The following SDK1 variants were observed in gnomAD, a reference collection of about 807,000 sequenced individuals.
SDK1 encodes sidekick cell adhesion molecule 1.
SDK1 carries 157 observed loss-of-function variants against 245.5 expected under a neutral mutation model. The ratio of observed to expected loss-of-function variants is 0.64; its 90% CI spans 0.56 to 0.73. SDK1 has a LOEUF of 0.73. Ranked by LOEUF, SDK1 falls within the 30% of genes least tolerant of loss-of-function variation. SDK1 has a pLI of 0.00. For missense variants in SDK1, 3,583 were observed against 3,002.3 expected, an observed-to-expected ratio of 1.19 and a Z score of -4.52; for synonymous variants, 1,647 against 1,278.5, an observed-to-expected ratio of 1.29 and a Z score of -6.15.
At chr7:3,885,647 C>G (rs966982183) in intron 5 of SDK1, among the ~76,000 whole-genome samples, 1 of 152,054 alleles carries the variant, frequency 6.6e-6, no homozygotes, top group African/African-American at 2.4e-5. Context: ...AGTTGATAAA[C>G]GCTGTGGTAT....
At chr7:3,828,775 T>C (rs973258365) in intron 5 of SDK1, among the ~76,000 whole-genome samples, 3 of 151,800 alleles carry the variant, frequency 2.0e-5, no homozygotes, top group African/African-American at 7.3e-5. Context: ...CCTCAGCCTT[T>C]TGAGTAGCTG....
intron 1 of SDK1, among the ~76,000 whole-genome samples, chr7:3,572,388 G>C (rs531729976): frequency 6.6e-6 from 1 of 152,130 alleles, no homozygotes. Context: ...CTCAGAGCAA[G>C]AGTATGGAGA....
At chr7:3,494,347 A>T (rs1277216420) in intron 1 of SDK1, among the ~76,000 whole-genome samples, 9 of 152,212 alleles carry the variant, frequency 5.9e-5, no homozygotes, top group Non-Finnish European at 1.0e-4. Flanking sequence ...CCTGGAACAG[A>T]GTGAAGAAAT....
intron 35 of SDK1, among the ~76,000 whole-genome samples, chr7:4,193,993 G>T (rs1226039753): frequency 6.6e-6 from 1 of 152,112 alleles, no homozygotes; most frequent in Non-Finnish European, 1.5e-5. Context: ...AACAATTCAC[G>T]CCAAGGACTA....
chr7:4,035,347 G>A (rs1226330200), intron 17 of SDK1, among the ~76,000 whole-genome samples: 2 of 152,140 alleles, frequency 1.3e-5, no homozygotes, highest in African/African-American at 2.4e-5. Flanking sequence ...GCAAAATTAA[G>A]CAAAGGGACA....
intron 4 of SDK1, among the ~76,000 whole-genome samples, chr7:3,730,261 T>G (rs113809097): frequency 2.0e-4 from 31 of 152,294 alleles, no homozygotes; most frequent in African/African-American, 6.7e-4. Flanking sequence ...TTATTAAATT[T>G]CTGCAAATGA....
At position 3,757,170 on chromosome 7, in the gene SDK1, G is replaced by T. The variant is rs900267923; in HGVS notation, c.714-64280G>T. 3.9e-5 allele frequency among the ~76,000 whole-genome samples: 6 copies of T among 152,056 alleles called. No homozygotes were observed. In the East Asian group the frequency reaches 5.8e-4, roughly 15 times the overall value. Reference sequence around the variant, plus strand: ...AAACTACCCCCACTTCAGATCCCAGGTGTCCTCATATACATCTGACAGACT... The same window carrying T: ...AAACTACCCCCACTTCAGATCCCAGTTGTCCTCATATACATCTGACAGACT... On this transcript the variant is annotated intron_variant, in intron 4 of 44. Transcript: ENST00000404826.
chr7:4,017,152 G>C lies in SDK1; in HGVS notation c.2421-19G>C, dbSNP rs752320088. ...GTCCAGTTATTTCCTTATCGTGATG[G>C]GCTTCCTTCGTGGCGCAGGTACCGC... On this transcript the variant is annotated intron_variant, in intron 16 of 44. Transcript: ENST00000404826. The C allele has an allele frequency of 6.9e-6, 11 of 1,590,724 alleles. No homozygotes were observed. In the African/African-American group the frequency reaches 1.5e-4, roughly 21 times the overall value.
chr7:3,776,683 A>G (rs912037232), intron 4 of SDK1, among the ~76,000 whole-genome samples: 5 of 152,136 alleles, frequency 3.3e-5, no homozygotes, highest in Admixed American at 3.3e-4. Flanking sequence ...AACCACTAGG[A>G]AAAAGAAAAG....
In SDK1 at chr7:3,473,626, T is replaced by G. The variant is rs78683464; in HGVS notation, c.299-145454T>G. Among the ~76,000 whole-genome samples, 619 of 152,350 alleles carry G rather than the reference T, an allele frequency of 4.1e-3. 5 individuals carry two copies. The highest frequency in any genetic ancestry group is 0.014 in the African/African-American group (590 of 41,578). ...CTACTCCTTGCTTCCATGTGCTTTA[T>G]TCATGACTACCTTTTATTTCCTGGG... On this transcript the variant is annotated intron_variant, in intron 1 of 44. Coordinates refer to ENST00000404826, the MANE Select transcript of SDK1 (RefSeq NM_152744.4).
intron 22 of SDK1, among the ~76,000 whole-genome samples, chr7:4,085,185 T>C (rs1239757250): frequency 6.6e-6 from 1 of 152,214 alleles, no homozygotes; most frequent in African/African-American, 2.4e-5. Context: ...GTCTGTGAAT[T>C]TGCCTGTGTA....
chr7:4,004,545 T>A (rs1248348907), intron 14 of SDK1, among the ~76,000 whole-genome samples: 1 of 152,186 alleles, frequency 6.6e-6, no homozygotes, highest in East Asian at 1.9e-4. Context: ...CTGGCAATGC[T>A]ATGACAAAAA....
At chr7:3,333,410 G>C (rs1196342786) in intron 1 of SDK1, among the ~76,000 whole-genome samples, 1 of 152,078 alleles carries the variant, frequency 6.6e-6, no homozygotes, top group African/African-American at 2.4e-5. Context: ...CATTTAATGA[G>C]GTCAAAGAGG....
intron 25 of SDK1, among the ~76,000 whole-genome samples, chr7:4,118,068 A>G (rs975450841): frequency 6.6e-6 from 1 of 152,224 alleles, no homozygotes; most frequent in South Asian, 2.1e-4. Flanking sequence ...ACGAGCAACT[A>G]AAGAAAAAGT....
intron 1 of SDK1, among the ~76,000 whole-genome samples, chr7:3,314,634 T>C (rs1779621183): frequency 6.6e-6 from 1 of 152,198 alleles, no homozygotes; most frequent in African/African-American, 2.4e-5. Flanking sequence ...TATCATGGAA[T>C]GTTATAGTTG....
In SDK1 at chr7:4,073,172, C is replaced by T. The variant is rs570252491; in HGVS notation, c.3011-3826C>T. 1.1e-4 allele frequency among the ~76,000 whole-genome samples: 16 copies of T among 152,322 alleles called. No individual in the cohort carries two copies. In the East Asian group the frequency reaches 3.1e-3, roughly 29 times the overall value. On this transcript the variant is annotated intron_variant, in intron 20 of 44. Transcript: ENST00000404826. ...TCCTGGCTCCGGGCGCCTCTCTCCT[C>T]TCTCCTCTGGGAGCTGGAAGCAGAG...
intron 1 of SDK1, among the ~76,000 whole-genome samples, chr7:3,417,644 T>C (rs926783444): frequency 6.6e-6 from 1 of 152,238 alleles, no homozygotes; most frequent in African/African-American, 2.4e-5. Context: ...TGTAATCAAA[T>C]ATTTATGCTA....
At chr7:3,778,014 T>A (rs1315674443) in intron 4 of SDK1, among the ~76,000 whole-genome samples, 1 of 152,216 alleles carries the variant, frequency 6.6e-6, no homozygotes, top group African/African-American at 2.4e-5. Context: ...TGATTTTGTT[T>A]TACATAAGTA....
chr7:4,255,644 A>G (rs1000728671), intron 44 of SDK1, among the ~76,000 whole-genome samples: 25 of 152,306 alleles, frequency 1.6e-4, no homozygotes, highest in African/African-American at 5.5e-4. Flanking sequence ...AGCTTCTTCA[A>G]CATGGAGTTG....
Sources: allele counts gnomAD v4.1 joint callset (sites outside exome capture counted in the v4.1 genomes callset), GRCh38; gene constraint gnomAD v4.1.1; transcripts MANE v1.5; gene names NCBI Gene and HGNC (gene_info 2026-07-23, HGNC 2026-07-21).